Variants in ANKRD26 observed in about 807,000 individuals in gnomAD.
ANKRD26 encodes the protein ankyrin repeat domain 26, also known as ankyrin repeat domain-containing protein 26.
In ANKRD26, 141 loss-of-function variants were observed where a neutral mutation model predicts 208.7. The ratio of observed to expected loss-of-function variants is 0.68; its 90% CI spans 0.59 to 0.78. The LOEUF is 0.78. Among genes scored for constraint, ANKRD26 ranks in the 30% least tolerant of loss-of-function variants. The pLI, the probability that ANKRD26 is intolerant of heterozygous loss-of-function variation, is 0.00. For synonymous variants in ANKRD26, 636 were observed against 660.4 expected, an observed-to-expected ratio of 0.96 and a Z score of 0.57; for missense variants, 1,889 against 1,938.7, an observed-to-expected ratio of 0.97 and a Z score of 0.48.
chr10:27,051,289 G>T, intron 16 of ANKRD26: 1 of 1,288,244 alleles, frequency 7.8e-7, no homozygotes, highest in Non-Finnish European at 1.0e-6. Context: ...AACAAGTTCT[G>T]TATTGGTTTT....
intron 26 of ANKRD26, 102 bp from the exon 27 acceptor site, chr10:27,029,047 A>G (rs945863720): frequency 5.4e-6 from 6 of 1,103,016 alleles, no homozygotes; most frequent in Admixed American, 5.0e-5. Context: ...TAAATTCTTA[A>G]AGATTTCAAA....
At chr10:26,951,234 G>A in the ANKRD26 span, among the ~76,000 whole-genome samples, 1 of 151,874 alleles carries the variant, frequency 6.6e-6, no homozygotes, top group South Asian at 2.1e-4. Context: ...GATTGCTTCT[G>A]TTATTTATGT....
intron 25 of ANKRD26, among the ~76,000 whole-genome samples, chr10:27,032,957 C>T (rs1232207623): frequency 6.6e-6 from 1 of 151,306 alleles, no homozygotes; most frequent in African/African-American, 2.4e-5. Flanking sequence ...TGCCTGTAGT[C>T]CCAGCTACTC....
At chr10:26,965,652 G>T in the ANKRD26 span, among the ~76,000 whole-genome samples, 5 of 152,168 alleles carry the variant, frequency 3.3e-5, no homozygotes, top group Non-Finnish European at 1.5e-5. Flanking sequence ...AAACTAAAGA[G>T]CTTCTGCACA....
chr10:27,099,094 G>A (rs755147390), intron 1 of ANKRD26, among the ~76,000 whole-genome samples: 1 of 151,336 alleles, frequency 6.6e-6, no homozygotes, highest in Non-Finnish European at 1.5e-5. Flanking sequence ...AGGTTCAAGC[G>A]ATTCTCCTGC....
chr10:26,993,991 T>G (rs139285373), intron 5 of ANKRD26, among the ~76,000 whole-genome samples: 2 of 152,330 alleles, frequency 1.3e-5, no homozygotes, highest in African/African-American at 4.8e-5. Flanking sequence ...AAAAGGATAT[T>G]AAATCAGACA....
intron 15 of ANKRD26, among the ~76,000 whole-genome samples, chr10:27,057,860 C>G (rs1333886899): frequency 6.6e-6 from 1 of 151,622 alleles, no homozygotes; most frequent in African/African-American, 2.4e-5. Flanking sequence ...TCGCTTGAAC[C>G]TAGGAGGCAG....
chr10:26,971,917 G>A (rs2052148391), downstream of ANKRD26, among the ~76,000 whole-genome samples: 1 of 151,998 alleles, frequency 6.6e-6, no homozygotes, highest in African/African-American at 2.4e-5. Flanking sequence ...GCCAGAAGTT[G>A]TCAATTCCCT....
rs2056615647 is a variant in ANKRD26 at position 27,100,460 on chromosome 10, C to CTCCG, written c.-138_-135dup. The stretch of plus-strand genomic sequence containing the variant: ...AAACTCCGCGGTTTCCAATCTCTCC[C>CTCCG]TCCGGGTTACCAAGCAAGCGATCCC... On this transcript the variant is annotated 5_prime_UTR_variant, in exon 1 of 34. Coordinates refer to ENST00000376087, the MANE Select transcript of ANKRD26 (RefSeq NM_014915.3). The CTCCG allele has an allele frequency of 4.5e-6, 6 of 1,336,596 alleles. No individual in the cohort carries two copies. The highest frequency in any genetic ancestry group is 5.1e-5 in the Admixed American group (2 of 39,024). 82.8% of individuals were successfully genotyped at this position (1,336,596 alleles called of 1,614,324 possible).
Position 27,064,100 on chromosome 10 carries a change from A to G in ANKRD26, c.1270-19T>C, listed in dbSNP as rs776929696. On this transcript the variant is annotated intron_variant, in intron 11 of 33. Coordinates refer to ENST00000376087, the MANE Select transcript of ANKRD26 (RefSeq NM_014915.3). ...AGATACTCTGTTAAAATTAGTATCAATAATGAGTTTCAATTTTACAAAAAG... is the reference window on the plus strand; with the variant it reads ...AGATACTCTGTTAAAATTAGTATCAGTAATGAGTTTCAATTTTACAAAAAG... 6.6e-7 allele frequency: 1 copy of G among 1,509,732 alleles called. No homozygotes were observed. The highest frequency in any genetic ancestry group is 1.7e-4 in the Middle Eastern group (1 of 5,780). 93.5% of individuals were successfully genotyped at this position (1,509,732 alleles called of 1,614,324 possible). A position where few individuals can be genotyped will look rare whatever the true frequency, so the allele number is the denominator to read the frequency against.
intron 27 of ANKRD26, among the ~76,000 whole-genome samples, chr10:27,025,165 T>TTCTG (rs113062678): frequency 1.3e-5 from 2 of 150,362 alleles, no homozygotes; most frequent in African/African-American, 4.9e-5. Context: ...GGACTCTCTT[T>TTCTG]TTTGTTTGTT....
chr10:26,965,971 G>A, the ANKRD26 span, among the ~76,000 whole-genome samples: 9 of 152,052 alleles, frequency 5.9e-5, no homozygotes, highest in Non-Finnish European at 1.0e-4. Flanking sequence ...ATTATTAAAA[G>A]TCAGGAAACA....
rs760838908 is a variant in ANKRD26, at chr10:27,067,248, A to G, written c.1116T>C (p.Asn372=). 74 of 1,613,556 alleles carry G rather than the reference A, an allele frequency of 4.6e-5. 3 individuals carry two copies. The South Asian group carries it at 7.5e-4, about 16-fold the overall frequency. The change falls in exon 10 of 34, where the codon AAT becomes AAC. Residue 372 remains asparagine, a synonymous_variant. Transcript: ENST00000376087. The part of the protein sequence containing the change: ...PTKPGIAKKE[N]GIDIIESAPL... The stretch of plus-strand genomic sequence containing the variant: ...GAGCACTTTCAATAATATCAATACC[A>G]TTTTCTTTTTTTGCAATGCCTGGCT...
chr10:27,008,010 C>A (rs539989491), intron 32 of ANKRD26, among the ~76,000 whole-genome samples: 57 of 151,820 alleles, frequency 3.8e-4, no homozygotes, highest in Non-Finnish European at 7.4e-4. Flanking sequence ...GAAATTAGTA[C>A]CAATTTTTTA....
downstream of ANKRD26, among the ~76,000 whole-genome samples, chr10:27,000,468 T>C (rs1589188580): frequency 6.6e-6 from 1 of 152,186 alleles, no homozygotes; most frequent in East Asian, 1.9e-4. Flanking sequence ...TACAATACTG[T>C]CACTATTACA....
At chr10:27,069,424 A>G (rs193214756) in intron 9 of ANKRD26, among the ~76,000 whole-genome samples, 1 of 152,090 alleles carries the variant, frequency 6.6e-6, no homozygotes, top group African/African-American at 2.4e-5. Context: ...CAATGTCCAC[A>G]GTTTGGGACA....
In ANKRD26 at chr10:27,061,148, G is replaced by T; in HGVS notation, c.1458C>A (p.His486Gln). Residue 486 changes from histidine (H) to glutamine (Q), a missense_variant, in exon 13 of 34, where the codon CAC (histidine) becomes CAA (glutamine). By Grantham distance (24) the His-to-Gln change is conservative. Coordinates refer to ENST00000376087, the MANE Select transcript of ANKRD26 (RefSeq NM_014915.3). ...DTRNVGMPVA[H>Q]MESPERYLHL... ...ATACGCATTTTTTTTCCATACCCAT[G>T]TGGGCTACTGGCATGCCTACATTTC... 6.2e-7 allele frequency: 1 copy of T among 1,604,568 alleles called. No homozygotes were observed. Among genetic ancestry groups the T allele is most frequent in the Non-Finnish European group, 8.5e-7 (1 of 1,171,688 alleles).
intron 9 of ANKRD26, among the ~76,000 whole-genome samples, chr10:27,074,243 T>C (rs1240802887): frequency 6.6e-6 from 1 of 152,106 alleles, no homozygotes; most frequent in African/African-American, 2.4e-5. Context: ...CTCAAGAATA[T>C]ACAAGGGCAA....
the ANKRD26 span, among the ~76,000 whole-genome samples, chr10:26,951,333 C>T: frequency 2.6e-5 from 4 of 152,028 alleles, no homozygotes; most frequent in Non-Finnish European, 4.4e-5. Context: ...TGTTGGGGTA[C>T]TTACGTTATT....
Sources: allele counts gnomAD v4.1 joint callset (sites outside exome capture counted in the v4.1 genomes callset), GRCh38; gene constraint gnomAD v4.1.1; transcripts MANE v1.5; gene names NCBI Gene and HGNC (gene_info 2026-07-23, HGNC 2026-07-21).